The following SETBP1 variants were observed in gnomAD, a reference collection of about 807,000 sequenced individuals.
The protein encoded by SETBP1 is SET-binding protein.
A neutral mutation model predicts 101.0 loss-of-function variants in SETBP1; 9 were observed. The observed-to-expected ratio is 0.09, with a 90% CI of 0.05 to 0.16. The LOEUF (loss-of-function observed/expected upper bound fraction) is 0.16. Among genes scored for constraint, SETBP1 ranks in the 10% least tolerant of loss-of-function variants. The pLI is 1.00. For synonymous variants in SETBP1, 818 were observed against 788.5 expected, an observed-to-expected ratio of 1.04 and a Z score of -0.63; for missense variants, 1,858 against 2,033.8, an observed-to-expected ratio of 0.91 and a Z score of 1.66.
chr18:44,800,222 G>T (rs2071576458), intron 2 of SETBP1, among the ~76,000 whole-genome samples: 1 of 152,110 alleles, frequency 6.6e-6, no homozygotes, highest in South Asian at 2.1e-4. Flanking sequence ...AGTTGTGGTG[G>T]CTACCGTCTT....
chr18:44,949,449 T>G (rs1439178255), intron 3 of SETBP1, among the ~76,000 whole-genome samples: 1 of 152,218 alleles, frequency 6.6e-6, no homozygotes, highest in African/African-American at 2.4e-5. Context: ...GAGTCGGGAA[T>G]TTCAGATTCT....
At chr18:44,866,821 A>T (rs1396978296) in intron 2 of SETBP1, among the ~76,000 whole-genome samples, 1 of 152,234 alleles carries the variant, frequency 6.6e-6, no homozygotes, top group Non-Finnish European at 1.5e-5. Flanking sequence ...TCAGATGGAT[A>T]AATGGTCATT....
intron 2 of SETBP1, among the ~76,000 whole-genome samples, chr18:44,808,216 T>G (rs1475939824): frequency 1.3e-5 from 2 of 152,208 alleles, no homozygotes; most frequent in African/African-American, 4.8e-5. Context: ...TCCTTAACAA[T>G]CATGATTTGG....
intron 4 of SETBP1, among the ~76,000 whole-genome samples, chr18:45,020,102 C>G (rs975845335): frequency 1.3e-5 from 2 of 151,600 alleles, no homozygotes; most frequent in African/African-American, 4.9e-5. Context: ...ATCGTTTGGT[C>G]TTCAGCCGTG....
At chr18:44,680,481 G>A (rs1016598189), upstream of SETBP1, 1 of 152,090 alleles carries the variant, frequency 6.6e-6, no homozygotes, top group African/African-American at 2.4e-5. Flanking sequence ...CGGAACCGGG[G>A]GCGACGTGTG....
chr18:44,750,613 C>T (rs1157329604), intron 2 of SETBP1, among the ~76,000 whole-genome samples: 1 of 152,130 alleles, frequency 6.6e-6, no homozygotes, highest in Non-Finnish European at 1.5e-5. Flanking sequence ...TGGCAGTCAT[C>T]CGATGGATGT....
At chr18:44,973,889 G>C (rs553420899) in intron 4 of SETBP1, among the ~76,000 whole-genome samples, 39 of 152,290 alleles carry the variant, frequency 2.6e-4, no homozygotes, top group African/African-American at 9.1e-4. Flanking sequence ...AGCTGGCAGA[G>C]GGGGGAGTAG....
At chr18:45,018,233 T>C (rs1299173878) in intron 4 of SETBP1, among the ~76,000 whole-genome samples, 4 of 152,258 alleles carry the variant, frequency 2.6e-5, no homozygotes. Context: ...TTATTTCTAC[T>C]GTGAATCCTC....
chr18:44,824,984 C>T (rs1279138298), intron 2 of SETBP1, among the ~76,000 whole-genome samples: 3 of 152,196 alleles, frequency 2.0e-5, no homozygotes, highest in African/African-American at 7.2e-5. Context: ...CCTCTGCTCC[C>T]GGTAGAGTGG....
intron 3 of SETBP1, among the ~76,000 whole-genome samples, chr18:44,900,911 A>G (rs147798580): frequency 3.6e-4 from 55 of 152,290 alleles, no homozygotes; most frequent in Non-Finnish European, 6.8e-4. Context: ...ATTTGAGTCC[A>G]AGCCTTCCAA....
chr18:44,744,704 C>T (rs2070188199), intron 2 of SETBP1, among the ~76,000 whole-genome samples: 1 of 151,110 alleles, frequency 6.6e-6, no homozygotes, highest in South Asian at 2.1e-4. Flanking sequence ...CTGTGGGAGC[C>T]GAAGCACAGC....
At chr18:45,007,471 G>A (rs934162060) in intron 4 of SETBP1, among the ~76,000 whole-genome samples, 17 of 151,738 alleles carry the variant, frequency 1.1e-4, no homozygotes, top group African/African-American at 3.9e-4. Context: ...GGGCTCCCAA[G>A]AGCCTACTAG....
chr18:44,962,310 A>G (rs939815594), intron 4 of SETBP1, among the ~76,000 whole-genome samples: 2 of 152,176 alleles, frequency 1.3e-5, no homozygotes, highest in African/African-American at 4.8e-5. Flanking sequence ...GGGTACAGGA[A>G]GGCACTTGGC....
chr18:44,684,677 G>A lies in SETBP1; in HGVS notation c.-173+3656G>A, dbSNP rs572003151. On this transcript the variant is annotated intron_variant, in intron 1 of 5. Transcript: ENST00000649279. ...AATTAATTTTTTGTGACAGAGTCTC[G>A]CTCTTGTTGCCCAGGCTGGAGTGCA... 1.6e-3 allele frequency among the ~76,000 whole-genome samples: 236 copies of A among 150,302 alleles called. 2 individuals carry two copies. The highest frequency in any genetic ancestry group is 5.5e-3 in the African/African-American group (225 of 40,898).
intron 2 of SETBP1, among the ~76,000 whole-genome samples, chr18:44,861,223 T>C (rs9965397): frequency 2.8e-5 from 4 of 141,522 alleles, no homozygotes; most frequent in African/African-American, 8.0e-5. Flanking sequence ...ATTTCCTTTT[T>C]CTTTTCTTTT....
intron 2 of SETBP1, among the ~76,000 whole-genome samples, chr18:44,754,759 G>A (rs903847644): frequency 2.0e-5 from 3 of 152,126 alleles, no homozygotes; most frequent in African/African-American, 7.2e-5. Context: ...GGTTCTCTTT[G>A]GCTCTCTGTC....
At chr18:44,706,614 A>AAAAG (rs2069224711) in intron 2 of SETBP1, among the ~76,000 whole-genome samples, 1 of 149,634 alleles carries the variant, frequency 6.7e-6, no homozygotes, top group Non-Finnish European at 1.5e-5. Context: ...AAAAAAAAAA[A>AAAAG]AAAAAAAAAA....
intron 2 of SETBP1, among the ~76,000 whole-genome samples, chr18:44,723,446 G>A (rs1227760514): frequency 6.6e-6 from 1 of 152,182 alleles, no homozygotes; most frequent in Non-Finnish European, 1.5e-5. Flanking sequence ...ATAGAGCCCA[G>A]ATCAGTGATG....
chr18:45,051,782 ATGT>A (rs1446504520), intron 5 of SETBP1, among the ~76,000 whole-genome samples: 1 of 152,098 alleles, frequency 6.6e-6, no homozygotes. Context: ...GCTTTAGTCC[ATGT>A]TTTTGTCATT....
Sources: gnomAD v4.1 joint callset for allele counts (sites outside exome capture counted in the v4.1 genomes callset) on GRCh38, gnomAD v4.1.1 for gene constraint, MANE v1.5 for transcripts, NCBI Gene and HGNC (gene_info 2026-07-23, HGNC 2026-07-21) for gene names.